AREL1: variants seen among roughly 807,000 people sequenced by gnomAD.
AREL1 encodes apoptosis-resistant E3 ubiquitin protein ligase 1.
In AREL1, 62 loss-of-function variants were observed where a neutral mutation model predicts 99.0. That is an observed-to-expected ratio of 0.63 (90% CI 0.51 to 0.77). The LOEUF (loss-of-function observed/expected upper bound fraction) is 0.77. Ranked by LOEUF, AREL1 falls within the 30% of genes least tolerant of loss-of-function variation. The probability of loss-of-function intolerance (pLI) is 0.00; values close to 1 mark genes in which losing one functional copy is unlikely to be tolerated. For synonymous variants in AREL1, 380 were observed against 376.5 expected (o/e 1.01, Z -0.11); for missense variants, 879 against 1,027.6 (o/e 0.86, Z 1.98).
rs45569736 is a variant in AREL1, at chr14:74,684,419, C to T, written c.243+35G>A. 3.2e-3 allele frequency: 5,191 copies of T among 1,599,102 alleles called. 13 individuals are homozygous for T. The highest frequency in any genetic ancestry group is 3.6e-3 in the Non-Finnish European group (4,164 of 1,166,750). Reference sequence around the variant, plus strand: ...CTCTGGAAAGCAAGTTACTCAGAAACCCCAATGGGTATGGAGACAGAAACA... The same window carrying T: ...CTCTGGAAAGCAAGTTACTCAGAAATCCCAATGGGTATGGAGACAGAAACA... On this transcript the variant is annotated intron_variant, in intron 4 of 19. Transcript: ENST00000356357.
chr14:74,707,586 G>A (rs1341245139), intron 1 of AREL1, among the ~76,000 whole-genome samples: 2 of 152,052 alleles, frequency 1.3e-5, no homozygotes, highest in East Asian at 1.9e-4. Context: ...ACAAGGTCAG[G>A]AGATCGAGAC....
At position 74,664,444 on chromosome 14, in the gene AREL1, CTTTCT is replaced by C. The variant is rs1258125980; in HGVS notation, c.2194-375_2194-371del. Among the ~76,000 whole-genome samples the C allele has an allele frequency of 5.9e-4, 82 of 139,068 alleles. No homozygotes were observed. The South Asian group carries it at 6.7e-3, about 11-fold the overall frequency. 91.2% of individuals were successfully genotyped at this position (139,068 alleles called of 152,430 possible). On this transcript the variant is annotated intron_variant, in intron 18 of 19. Coordinates refer to ENST00000356357, the MANE Select transcript of AREL1 (RefSeq NM_001039479.2). ...ACTCCCCTACTTTTTTCTTCTTTTC[CTTTCT>C]TTTTTTTTTTTTTTTTTTTTTTGAG...
rs1332976539 is a variant in AREL1, at chr14:74,663,367, G to A, written c.*353C>T. 3 of 327,200 alleles carry A rather than the reference G, an allele frequency of 9.2e-6. No homozygotes were observed. The highest frequency in any genetic ancestry group is 6.4e-5 in the African/African-American group (3 of 46,958). 20.3% of individuals were successfully genotyped at this position (327,200 alleles called of 1,614,324 possible). A position where few individuals can be genotyped will look rare whatever the true frequency, so the allele number is the denominator to read the frequency against. Reference sequence around the variant, plus strand: ...AGAGGGAGTTTTGGAGCACAGTGTGGATTTAAGGGTCTCCACACCAGTTTC... The same window carrying A: ...AGAGGGAGTTTTGGAGCACAGTGTGAATTTAAGGGTCTCCACACCAGTTTC... On this transcript the variant is annotated 3_prime_UTR_variant, in exon 20 of 20. Coordinates refer to ENST00000356357, the MANE Select transcript of AREL1 (RefSeq NM_001039479.2).
intron 1 of AREL1, among the ~76,000 whole-genome samples, chr14:74,704,872 G>T (rs1566705117): frequency 6.6e-6 from 1 of 151,756 alleles, no homozygotes. Context: ...TTTTCTAGAG[G>T]GTTATCTAAA....
rs376594122 is a variant in AREL1, at chr14:74,667,415, C to T, written c.2045-38G>A. On this transcript the variant is annotated intron_variant, in intron 16 of 19. Transcript: ENST00000356357. ...AGGCAAGTTAAAGTCATACCCACACCATGGATACAGGTATTTTAACTTCAA... is the reference window on the plus strand; with the variant it reads ...AGGCAAGTTAAAGTCATACCCACACTATGGATACAGGTATTTTAACTTCAA... 4.3e-6 allele frequency: 7 copies of T among 1,614,140 alleles called. No individual in the cohort carries two copies. In the African/African-American group the frequency reaches 8.0e-5, roughly 18 times the overall value.
intron 7 of AREL1, 50 bp downstream of exon 7, chr14:74,676,091 A>G: frequency 1.3e-6 from 2 of 1,586,808 alleles, no homozygotes; most frequent in Non-Finnish European, 1.7e-6. Flanking sequence ...GCAAACAGGC[A>G]AAGAAACGGC....
chr14:74,675,954 A>G lies in AREL1; in HGVS notation c.833-8T>C, dbSNP rs569193414. ...CGATATTCTTCTCATCCTCTGAAGTATAATAAGGAATAAGGTTTAAAGTAG... is the reference window on the plus strand; with the variant it reads ...CGATATTCTTCTCATCCTCTGAAGTGTAATAAGGAATAAGGTTTAAAGTAG... On this transcript the variant is annotated splice_polypyrimidine_tract_variant and splice_region_variant and intron_variant, in intron 7 of 19. Coordinates refer to ENST00000356357, the MANE Select transcript of AREL1 (RefSeq NM_001039479.2). 1 of 1,572,690 alleles carries G rather than the reference A, an allele frequency of 6.4e-7. No homozygotes were observed. Among genetic ancestry groups the G allele is most frequent in the East Asian group, 2.2e-5 (1 of 44,560 alleles).
At chr14:74,696,763 G>C (rs1206369813) in intron 1 of AREL1, among the ~76,000 whole-genome samples, 1 of 152,114 alleles carries the variant, frequency 6.6e-6, no homozygotes, top group African/African-American at 2.4e-5. Flanking sequence ...TCAGGGGTTT[G>C]AGAAAAGCCT....
rs2089678386 is a variant in AREL1, at chr14:74,683,438, C to T, written c.339G>A (p.Val113=). 6.2e-7 allele frequency: 1 copy of T among 1,614,140 alleles called. No homozygotes were observed. The highest frequency in any genetic ancestry group is 1.1e-5 in the South Asian group (1 of 91,078). The change falls in exon 5 of 20, where the codon GTG becomes GTA. Residue 113 remains valine (V), a synonymous_variant. Coordinates refer to ENST00000356357, the MANE Select transcript of AREL1 (RefSeq NM_001039479.2). ...SHVELAVEIP[V]TQEVLQEPNS... ...TGGGCTCCTGAAGGACTTCCTGGGT[C>T]ACTGGAATTTCCACTGCTAGCTCGA...
At position 74,663,286 on chromosome 14, in the gene AREL1, G is replaced by A. The variant is rs556164952; in HGVS notation, c.*434C>T. On this transcript the variant is annotated 3_prime_UTR_variant, in exon 20 of 20. Transcript: ENST00000356357. Reference sequence around the variant, plus strand: ...CACCCCACCCATGAGAAGGACTCAAGTACCAGTCTGGTCAAGTAGTGAGGG... The same window carrying A: ...CACCCCACCCATGAGAAGGACTCAAATACCAGTCTGGTCAAGTAGTGAGGG... The A allele has an allele frequency of 4.1e-6, 1 of 243,262 alleles. No homozygotes were observed. Among genetic ancestry groups the A allele is most frequent in the East Asian group, 9.0e-5 (1 of 11,126 alleles). 15.1% of individuals were successfully genotyped at this position (243,262 alleles called of 1,614,324 possible).
At position 74,670,759 on chromosome 14, in the gene AREL1, C is replaced by T. The variant is rs1448041129; in HGVS notation, c.1608+3G>A. ...ATTTTCCACCCACCCGTCACCAACTCACTAATGCTTGGTTGTTGTCACTGA... is the reference window on the plus strand; with the variant it reads ...ATTTTCCACCCACCCGTCACCAACTTACTAATGCTTGGTTGTTGTCACTGA... On this transcript the variant is annotated splice_donor_region_variant and intron_variant, in intron 13 of 19. Coordinates refer to ENST00000356357, the MANE Select transcript of AREL1 (RefSeq NM_001039479.2). The T allele has an allele frequency of 6.2e-7, 1 of 1,613,474 alleles. No individual in the cohort carries two copies. The highest frequency in any genetic ancestry group is 1.7e-5 in the Admixed American group (1 of 60,012).
intron 1 of AREL1, among the ~76,000 whole-genome samples, chr14:74,695,226 C>T (rs967567056): frequency 2.6e-5 from 4 of 151,786 alleles, no homozygotes; most frequent in African/African-American, 7.2e-5. Context: ...ACTACAGGTG[C>T]GTACTACTAT....
rs768507976 is a variant in AREL1, at chr14:74,663,919, C to T, written c.2349G>A (p.Thr783=). ...FQIIAAPTHS[T]LPTAHTCFNQ... is the part of the protein sequence containing the mutation. Reference sequence around the variant, plus strand: ...CCTACCATGTGTGTGCAGTAGGCAGCGTGCTATGGGTCGGAGCGGCAATAA... The same window carrying T: ...CCTACCATGTGTGTGCAGTAGGCAGTGTGCTATGGGTCGGAGCGGCAATAA... The change falls in exon 19 of 20, where the codon ACG becomes ACA. Residue 783 remains threonine, a synonymous_variant. Coordinates refer to ENST00000356357, the MANE Select transcript of AREL1 (RefSeq NM_001039479.2). The T allele has an allele frequency of 7.4e-6, 12 of 1,614,036 alleles. No homozygotes were observed. The highest frequency in any genetic ancestry group is 2.2e-5 in the East Asian group (1 of 44,896).
intron 1 of AREL1, among the ~76,000 whole-genome samples, chr14:74,704,236 T>C (rs2090136091): frequency 1.3e-5 from 2 of 152,208 alleles, no homozygotes; most frequent in Admixed American, 1.3e-4. Flanking sequence ...ACCCCGAATA[T>C]CTGAGACAGG....
chr14:74,671,587 G>A (rs887275195), intron 11 of AREL1, 104 bp from the exon 12 acceptor site: 3 of 654,632 alleles, frequency 4.6e-6, no homozygotes, highest in Non-Finnish European at 5.1e-6. Flanking sequence ...GACTAACTAC[G>A]ACTGCCTGAA....
chr14:74,704,117 T>C (rs2090134510), intron 1 of AREL1, among the ~76,000 whole-genome samples: 1 of 152,222 alleles, frequency 6.6e-6, no homozygotes, highest in African/African-American at 2.4e-5. Context: ...ATTGGTTATT[T>C]GTATTAGTTT....
chr14:74,699,348 G>GGT (rs770359342), intron 1 of AREL1, among the ~76,000 whole-genome samples: 6,033 of 143,314 alleles, frequency 0.042, 157 homozygotes, highest in African/African-American at 0.065. Flanking sequence ...GACAGTGAGG[G>GGT]GTGTGTGTGT....
At position 74,676,607 on chromosome 14, in the gene AREL1, G is replaced by A. The variant is rs751824519; in HGVS notation, c.627C>T (p.His209=). ...CCTCATGAATGGACAAGGTGTAATT[G>A]TGCTCATCTCTCAAGGACATGGAAT... The part of the protein sequence containing the change: ...TNNSMSLRDE[H]NYTLSIHELG... Residue 209 remains histidine (H), a synonymous_variant, in exon 6 of 20, where the codon CAC becomes CAT. Transcript: ENST00000356357. 6.2e-7 allele frequency: 1 copy of A among 1,613,754 alleles called. No homozygotes were observed.
intron 17 of AREL1, 89 bp downstream of exon 17, chr14:74,667,230 C>A: frequency 6.7e-7 from 1 of 1,481,998 alleles, no homozygotes; most frequent in Non-Finnish European, 9.3e-7. Flanking sequence ...TTTCCAGCTG[C>A]ATCTCATAAG....
Sources: gnomAD v4.1 joint callset for allele counts (sites outside exome capture counted in the v4.1 genomes callset) on GRCh38, gnomAD v4.1.1 for gene constraint, MANE v1.5 for transcripts, NCBI Gene and HGNC (gene_info 2026-07-23, HGNC 2026-07-21) for gene names.